The following TMEM214 variants were observed in gnomAD, a reference collection of about 807,000 sequenced individuals.
The protein encoded by TMEM214 is transmembrane protein 214.
Under a neutral mutation model 89.8 loss-of-function variants are expected in TMEM214, and 71 were observed. The ratio of observed to expected loss-of-function variants is 0.79; its 90% CI spans 0.65 to 0.96. The LOEUF is 0.96. Ranked by LOEUF, TMEM214 falls within the 40% of genes least tolerant of loss-of-function variation. The pLI, the probability that TMEM214 is intolerant of heterozygous loss-of-function variation, is 0.00. For synonymous variants in TMEM214, 332 were observed against 349.5 expected (o/e 0.95, Z 0.56); for missense variants, 754 against 843.4 (o/e 0.89, Z 1.31).
intron 8 of TMEM214, 54 bp downstream of exon 8, chr2:27,037,232 C>A: frequency 7.3e-7 from 1 of 1,363,588 alleles, no homozygotes; most frequent in Non-Finnish European, 1.1e-6. Flanking sequence ...ACCAGAACCA[C>A]ACTACATATT....
chr2:27,037,827 A>G (rs1667635112), intron 9 of TMEM214, 125 bp downstream of exon 9: 17 of 1,592,956 alleles, frequency 1.1e-5, no homozygotes, highest in Non-Finnish European at 1.5e-5. Context: ...CCCTGTTGAC[A>G]GCTGCCTGCC....
rs777038257 is a variant in TMEM214, at chr2:27,034,094, A to G, written c.179A>G (p.Tyr60Cys). 1.3e-5 allele frequency: 21 copies of G among 1,614,014 alleles called. No homozygotes were observed. The highest frequency in any genetic ancestry group is 1.7e-5 in the Non-Finnish European group (20 of 1,180,026). Residue 60 changes from tyrosine (Y) to cysteine (C), a missense_variant, in exon 2 of 17, where the codon TAT (tyrosine) becomes TGT (cysteine). Physicochemically the swap from Tyr to Cys is radical, Grantham distance 194. Transcript: ENST00000238788. ...TPAIQTTSTL[Y>C]ERGFENIMKR... is the part of the protein sequence containing the mutation. ...GCAATCCAGACCACAAGCACCCTTTATGAGCGGGGCTTTGAGAATATCATG... is the reference window on the plus strand; with the variant it reads ...GCAATCCAGACCACAAGCACCCTTTGTGAGCGGGGCTTTGAGAATATCATG...
chr2:27,039,465 A>C, intron 13 of TMEM214: 1 of 593,458 alleles, frequency 1.7e-6, no homozygotes, highest in African/African-American at 1.9e-5. Flanking sequence ...TTTAGGTCAT[A>C]GCTAGTAAGT....
chr2:27,037,808 T>C (rs1374064980), intron 9 of TMEM214, 106 bp downstream of exon 9: 1 of 1,607,458 alleles, frequency 6.2e-7, no homozygotes, highest in Non-Finnish European at 8.5e-7. Context: ...CTGAGGCTTT[T>C]CCTTAGCTCC....
intron 2 of TMEM214, among the ~76,000 whole-genome samples, 165 bp from the exon 3 acceptor site, chr2:27,034,970 A>T (rs1374601733): frequency 2.6e-5 from 4 of 152,184 alleles, no homozygotes. Context: ...ATTCTTAAAG[A>T]TGTAGGTACA....
chr2:27,039,240 C>T, intron 13 of TMEM214, 76 bp downstream of exon 13: 4 of 1,219,898 alleles, frequency 3.3e-6, no homozygotes, highest in Non-Finnish European at 4.7e-6. Context: ...CACCCCGCCC[C>T]CAGCAGCACA....
chr2:27,036,788 T>TGA lies in TMEM214; in HGVS notation c.908+4_908+5dup. On this transcript the variant is annotated splice_region_variant and intron_variant, in intron 7 of 16. Coordinates refer to ENST00000238788, the MANE Select transcript of TMEM214 (RefSeq NM_017727.5). Reference sequence around the variant, plus strand: ...CACATACCTGGATCGGCTGCTCCTGTGAGTAATGGGAGGGCAGCAAGGGGA... The same window carrying TGA: ...CACATACCTGGATCGGCTGCTCCTGTGAGAGTAATGGGAGGGCAGCAAGGGGA... 2.5e-6 allele frequency: 4 copies of TGA among 1,613,844 alleles called. No homozygotes were observed. The highest frequency in any genetic ancestry group is 3.4e-6 in the Non-Finnish European group (4 of 1,179,954).
chr2:27,035,065 C>G (rs867996726), intron 2 of TMEM214, 70 bp from the exon 3 acceptor site: 12 of 1,587,016 alleles, frequency 7.6e-6, no homozygotes, highest in Non-Finnish European at 1.0e-5. Context: ...TTTTCCCACC[C>G]CTACCCCATT....
chr2:27,035,516 T>A, intron 3 of TMEM214, 78 bp from the exon 4 acceptor site: 1 of 1,585,366 alleles, frequency 6.3e-7, no homozygotes, highest in Admixed American at 1.8e-5. Flanking sequence ...CACTCACCAT[T>A]CCCAGGGAGA....
In TMEM214 at chr2:27,035,108, G is replaced by C. The variant is rs371640326; in HGVS notation, c.352-27G>C. On this transcript the variant is annotated intron_variant, in intron 2 of 16. Transcript: ENST00000238788. Reference sequence around the variant, plus strand: ...TCCCTCACTCACAACTCGCCATGGTGGGGGGTTGGGGGATTGTCCCTGGCA... The same window carrying C: ...TCCCTCACTCACAACTCGCCATGGTCGGGGGTTGGGGGATTGTCCCTGGCA... 112 of 1,611,538 alleles carry C rather than the reference G, an allele frequency of 6.9e-5. 1 individual carries two copies. Among genetic ancestry groups the C allele is most frequent in the East Asian group, 6.7e-5 (3 of 44,800 alleles).
intron 3 of TMEM214, 70 bp from the exon 4 acceptor site, chr2:27,035,524 A>G: frequency 1.3e-6 from 2 of 1,591,240 alleles, no homozygotes; most frequent in Non-Finnish European, 1.7e-6. Context: ...ATTCCCAGGG[A>G]GAGCACCACA....
chr2:27,035,701 A>T lies in TMEM214; in HGVS notation c.610A>T (p.Met204Leu), dbSNP rs565929860. The T allele has an allele frequency of 1.4e-5, 22 of 1,614,182 alleles. No individual in the cohort carries two copies. In the South Asian group the frequency reaches 1.6e-4, roughly 12 times the overall value. The change falls in exon 4 of 17, where the codon ATG (methionine) becomes TTG (leucine). Residue 204 changes from methionine (M) to leucine (L), a missense_variant. Met to Leu is a conservative substitution (Grantham distance 15). Coordinates refer to ENST00000238788, the MANE Select transcript of TMEM214 (RefSeq NM_017727.5). ...CTTTTTTGACCACTGTCTGTTCACC[A>T]TGTTGCAAGAGCTGGATAAGACACC... ...ELFFDHCLFTMLQELDKTPGE... is the reference protein window; with the variant it reads ...ELFFDHCLFTLLQELDKTPGE...
intron 16 of TMEM214, 32 bp from the exon 17 acceptor site, chr2:27,040,679 G>C: frequency 1.9e-6 from 3 of 1,610,696 alleles, no homozygotes; most frequent in Non-Finnish European, 2.5e-6. Flanking sequence ...CTACTCACGT[G>C]CATACTCAAA....
Position 27,038,509 on chromosome 2 carries a change from T to C in TMEM214, c.1270T>C (p.Ser424Pro). The part of the protein sequence containing the change: ...SSLLLEHLLS[S>P]WEQIPKKVQK... ...CCTTCTGCTGGAGCACTTGCTCAGC[T>C]CCTGGGAGCAGATTCCCAAGAAGGT... The change falls in exon 11 of 17, where the codon TCC (serine) becomes CCC (proline). Residue 424 changes from serine to proline, a missense_variant. Coordinates refer to ENST00000238788, the MANE Select transcript of TMEM214 (RefSeq NM_017727.5). This position sits in a 1 kb window ranked among gnomAD's most constrained non-coding sequence, Gnocchi z 4.4. 3 of 1,614,016 alleles carry C rather than the reference T, an allele frequency of 1.9e-6. No homozygotes were observed. The highest frequency in any genetic ancestry group is 2.5e-6 in the Non-Finnish European group (3 of 1,179,976).
At chr2:27,034,548 C>T (rs780106658) in intron 2 of TMEM214, 1 of 419,532 alleles carries the variant, frequency 2.4e-6, no homozygotes, top group Admixed American at 4.2e-5. Flanking sequence ...TTATGATTCT[C>T]TGTCCTATGG....
At chr2:27,035,769 C>G in intron 4 of TMEM214, 41 bp downstream of exon 4, 1 of 1,613,246 alleles carries the variant, frequency 6.2e-7, no homozygotes, top group Non-Finnish European at 8.5e-7. Context: ...TGGGAGCCTC[C>G]TCCTTTTTTT....
At chr2:27,035,016 A>C in intron 2 of TMEM214, 119 bp from the exon 3 acceptor site, 1 of 1,113,774 alleles carries the variant, frequency 9.0e-7, no homozygotes, top group South Asian at 1.5e-5. Context: ...TATGCTTAAA[A>C]ATGGAATCCC....
In TMEM214 at chr2:27,039,081, C is replaced by A. The variant is rs894300299; in HGVS notation, c.1442C>A (p.Pro481His). Residue 481 changes from proline (P) to histidine (H), a missense_variant, in exon 13 of 17, where the codon CCC becomes CAC. Pro to His is a moderately conservative substitution (Grantham distance 77). Coordinates refer to ENST00000238788, the MANE Select transcript of TMEM214 (RefSeq NM_017727.5). Reference sequence around the variant, plus strand: ...CAGCAGGTTCAGGGTCCTCGGCTGCCCTGGACGCGGCTCCTCCTGTTGCTG... The same window carrying A: ...CAGCAGGTTCAGGGTCCTCGGCTGCACTGGACGCGGCTCCTCCTGTTGCTG... ...LLQQVQGPRL[P>H]WTRLLLLLLV... The A allele has an allele frequency of 3.1e-6, 5 of 1,613,828 alleles. No individual in the cohort carries two copies. The highest frequency in any genetic ancestry group is 3.3e-5 in the Admixed American group (2 of 60,032).
At position 27,037,722 on chromosome 2, in the gene TMEM214, CT is replaced by C; in HGVS notation, c.1152+25del. ...AAAGAGGTGAGGATATGGTGGGAGGCTTTTTCTCCTTCCCCAGGGGTCAGCT... is the reference window on the plus strand; with the variant it reads ...AAAGAGGTGAGGATATGGTGGGAGGCTTTTCTCCTTCCCCAGGGGTCAGCT... On this transcript the variant is annotated intron_variant, in intron 9 of 16. Transcript: ENST00000238788. 6.2e-7 allele frequency: 1 copy of C among 1,614,144 alleles called. No homozygotes were observed. Among genetic ancestry groups the C allele is most frequent in the South Asian group, 1.1e-5 (1 of 91,082 alleles).
Sources: gnomAD v4.1 joint callset for allele counts (sites outside exome capture counted in the v4.1 genomes callset) on GRCh38, gnomAD v4.1.1 for gene constraint, Gnocchi (gnomAD v3.1) non-coding constraint, MANE v1.5 for transcripts, NCBI Gene and HGNC (gene_info 2026-07-23, HGNC 2026-07-21) for gene names.